Variants in SOWAHB observed in about 807,000 individuals in gnomAD.
SOWAHB encodes the protein sosondowah ankyrin repeat domain family member B.
Under a neutral mutation model 18.3 loss-of-function variants are expected in SOWAHB, and 17 were observed. That is an observed-to-expected ratio of 0.93 (90% CI 0.64 to 1.40). SOWAHB has a LOEUF of 1.40. SOWAHB is among the 40% of genes most tolerant of loss of function. SOWAHB has a pLI of 0.00. For missense variants in SOWAHB, 1,126 were observed against 1,033.7 expected (o/e 1.09, Z -1.22); for synonymous variants, 496 against 448.1 (o/e 1.11, Z -1.35).
rs771850145 is a variant in SOWAHB at position 76,897,728 on chromosome 4, G to C, written c.122C>G (p.Pro41Arg). The C allele has an allele frequency of 6.2e-7, 1 of 1,610,268 alleles. No homozygotes were observed. Among genetic ancestry groups the C allele is most frequent in the South Asian group, 1.1e-5 (1 of 91,080 alleles). Residue 41 changes from proline to arginine, a missense_variant, in exon 1 of 1, where the codon CCC becomes CGC. Physicochemically the swap from Pro to Arg is moderately radical, Grantham distance 103. Coordinates refer to ENST00000334306, the MANE Select transcript of SOWAHB (RefSeq NM_001029870.3). This position sits in a 1 kb window ranked among gnomAD's most constrained non-coding sequence, Gnocchi z 6.4. ...CTCGCGGCGGTGCTGGTGCTGGCTG[G>C]GGGACGCGTCGGGGTCTCGGAGAAA... is the stretch of plus-strand genomic sequence containing the variant. ...KSFLRDPDAS[P>R]SQHQHRRELF...
At position 76,897,381 on chromosome 4, in the gene SOWAHB, G is replaced by T. The variant is rs751302162; in HGVS notation, c.469C>A (p.Pro157Thr). 3 of 1,529,088 alleles carry T rather than the reference G, an allele frequency of 2.0e-6. No homozygotes were observed. Among genetic ancestry groups the T allele is most frequent in the East Asian group, 5.0e-5 (2 of 39,666 alleles). 94.7% of individuals were successfully genotyped at this position (1,529,088 alleles called of 1,614,324 possible). A position where few individuals can be genotyped will look rare whatever the true frequency, so the allele number is the denominator to read the frequency against. The change falls in exon 1 of 1, where the codon CCC becomes ACC. Residue 157 changes from proline (P) to threonine (T), a missense_variant. By Grantham distance (38) the Pro-to-Thr change is conservative (BLOSUM62 -1). Coordinates refer to ENST00000334306, the MANE Select transcript of SOWAHB (RefSeq NM_001029870.3). The surrounding 1 kb of genome is among the most constrained non-coding windows in gnomAD (Gnocchi z 6.4). ...CCCTTCGATCCGCCGCCCTTCCCGG[G>T]CGCCCTACGGGAGTCGCTGCCCGGG... ...GLPGSDSRRAPGKGGGSKGSP... is the reference protein window; with the variant it reads ...GLPGSDSRRATGKGGGSKGSP...
At position 76,897,559 on chromosome 4, in the gene SOWAHB, G is replaced by A. The variant is rs1719963657; in HGVS notation, c.291C>T (p.Pro97=). ...QRPREPPAAA[P]SAGGAAPCSP... ...AGCAGGGCGCAGCTCCCCCTGCACT[G>A]GGGGCGGCCGCGGGCGGCTCGCGGG... is the stretch of plus-strand genomic sequence containing the variant. Residue 97 remains proline (P), a synonymous_variant, in exon 1 of 1, where the codon CCC becomes CCT. Transcript: ENST00000334306. The surrounding 1 kb of genome is among the most constrained non-coding windows in gnomAD (Gnocchi z 6.4). The A allele has an allele frequency of 1.9e-6, 3 of 1,580,024 alleles. No individual in the cohort carries two copies. The highest frequency in any genetic ancestry group is 2.6e-6 in the Non-Finnish European group (3 of 1,168,322).
rs1719928364 is a variant in SOWAHB at position 76,896,824 on chromosome 4, G to A, written c.1026C>T (p.Pro342=). Residue 342 remains proline (P), a synonymous_variant, in exon 1 of 1, where the codon CCC becomes CCT. Transcript: ENST00000334306. ...PDNFLQLPLE[P]GSTEPNSEPP... ...GCTCTGAATTAGGCTCCGTGGAGCC[G>A]GGTTCCAAGGGCAGCTGGAGGAAGT... The A allele has an allele frequency of 6.2e-7, 1 of 1,613,844 alleles. No homozygotes were observed.
rs893175051 is a variant in SOWAHB at position 76,894,622 on chromosome 4, C to T, written c.*846G>A. ...CATTCAAACCTCTGAAAACTAGTAA[C>T]GATAATTCTGTTTGTTACACAGGGA... On this transcript the variant is annotated 3_prime_UTR_variant, in exon 1 of 1. Coordinates refer to ENST00000334306, the MANE Select transcript of SOWAHB (RefSeq NM_001029870.3). 4.6e-5 allele frequency among the ~76,000 whole-genome samples: 7 copies of T among 152,220 alleles called. No individual in the cohort carries two copies. The highest frequency in any genetic ancestry group is 1.9e-4 in the East Asian group (1 of 5,182).
In SOWAHB at chr4:76,896,011, C is replaced by T; in HGVS notation, c.1839G>A (p.Trp613Ter). 6.2e-7 allele frequency: 1 copy of T among 1,613,464 alleles called. No homozygotes were observed. Among genetic ancestry groups the T allele is most frequent in the South Asian group, 1.1e-5 (1 of 90,986 alleles). ...KLASGSWIQV[W>*]TLFWEDPQLA... ...GTTGAGGGTCCTCCCAGAACAAAGT[C>T]CACACCTGAATCCAGGAGCCACTGG... Residue 613 changes from tryptophan to a stop codon, truncating the protein, a stop_gained, in exon 1 of 1, where the codon TGG becomes TGA. Transcript: ENST00000334306. LOFTEE classifies it high-confidence loss of function.
rs1455581452 is a variant in SOWAHB at position 76,897,571 on chromosome 4, G to A, written c.279C>T (p.Pro93=). 6 of 1,598,150 alleles carry A rather than the reference G, an allele frequency of 3.8e-6. No homozygotes were observed. The highest frequency in any genetic ancestry group is 4.3e-6 in the Non-Finnish European group (5 of 1,176,392). The change falls in exon 1 of 1, where the codon CCC becomes CCT. Residue 93 remains proline (P), a synonymous_variant. Transcript: ENST00000334306. The surrounding 1 kb of genome is among the most constrained non-coding windows in gnomAD (Gnocchi z 6.4). ...EEGLQRPREP[P]AAAPSAGGAA... ...CTCCCCCTGCACTGGGGGCGGCCGCGGGCGGCTCGCGGGGTCGCTGCAGCC... is the reference window on the plus strand; with the variant it reads ...CTCCCCCTGCACTGGGGGCGGCCGCAGGCGGCTCGCGGGGTCGCTGCAGCC...
Position 76,896,040 on chromosome 4 carries a change from G to T in SOWAHB, c.1810C>A (p.Leu604Ile), listed in dbSNP as rs775663045. ...DAREHEWIVK[L>I]ASGSWIQVWT... Reference sequence around the variant, plus strand: ...ACCTGAATCCAGGAGCCACTGGCAAGCTTCACAATCCACTCATGCTCCCTG... The same window carrying T: ...ACCTGAATCCAGGAGCCACTGGCAATCTTCACAATCCACTCATGCTCCCTG... The change falls in exon 1 of 1, where the codon CTT becomes ATT. Residue 604 changes from leucine to isoleucine, a missense_variant. Leu to Ile is a conservative substitution (Grantham distance 5). Coordinates refer to ENST00000334306, the MANE Select transcript of SOWAHB (RefSeq NM_001029870.3). 1.2e-6 allele frequency: 2 copies of T among 1,610,852 alleles called. No individual in the cohort carries two copies. Among genetic ancestry groups the T allele is most frequent in the African/African-American group, 2.7e-5 (2 of 74,962 alleles).
Position 76,897,183 on chromosome 4 carries a change from C to T in SOWAHB, c.667G>A (p.Glu223Lys). Residue 223 changes from glutamate to lysine, a missense_variant, in exon 1 of 1, where the codon GAG becomes AAG. Glu to Lys is a moderately conservative substitution (Grantham distance 56). Coordinates refer to ENST00000334306, the MANE Select transcript of SOWAHB (RefSeq NM_001029870.3). The surrounding 1 kb of genome is among the most constrained non-coding windows in gnomAD (Gnocchi z 6.4). ...GALPHSATAE[E>K]KPARALPAQD... is the part of the protein sequence containing the mutation. ...GCAGGCAGAGCCCGTGCCGGCTTCT[C>T]CTCCGCGGTGGCCGAGTGCGGGAGT... The T allele has an allele frequency of 6.3e-7, 1 of 1,575,382 alleles. No homozygotes were observed. The highest frequency in any genetic ancestry group is 8.6e-7 in the Non-Finnish European group (1 of 1,169,034).
At position 76,896,116 on chromosome 4, in the gene SOWAHB, C is replaced by A. The variant is rs1452461073; in HGVS notation, c.1734G>T (p.Leu578Phe). 6.3e-7 allele frequency: 1 copy of A among 1,577,746 alleles called. No individual in the cohort carries two copies. The highest frequency in any genetic ancestry group is 8.6e-7 in the Non-Finnish European group (1 of 1,162,352). The change falls in exon 1 of 1, where the codon TTG (leucine) becomes TTT (phenylalanine). Residue 578 changes from leucine to phenylalanine, a missense_variant. Leu to Phe is a conservative substitution (Grantham distance 22, BLOSUM62 0). Coordinates refer to ENST00000334306, the MANE Select transcript of SOWAHB (RefSeq NM_001029870.3). ...WVPSGEGSAA[L>F]APHRTSEHKS... is the part of the protein sequence containing the mutation. The stretch of plus-strand genomic sequence containing the variant: ...TGTGCTCAGAAGTTCTGTGGGGGGC[C>A]AAGGCTGCAGACCCCTCCCCACTGG...
In SOWAHB at chr4:76,897,518, C is replaced by G. The variant is rs1367069683; in HGVS notation, c.332G>C (p.Arg111Pro). Residue 111 changes from arginine (R) to proline (P), a missense_variant, in exon 1 of 1, where the codon CGC becomes CCC. Transcript: ENST00000334306. The surrounding 1 kb of genome is among the most constrained non-coding windows in gnomAD (Gnocchi z 6.4). ...CTGCTGCTGGGGCGGCTCCCCCCGG[C>G]GCGCGCCTCGCGGGGAGCAGGGCGC... is the stretch of plus-strand genomic sequence containing the variant. ...GAAPCSPRGA[R>P]RGEPPQQQPR... is the part of the protein sequence containing the mutation. The G allele has an allele frequency of 1.4e-6, 2 of 1,413,892 alleles. No homozygotes were observed. The highest frequency in any genetic ancestry group is 1.8e-6 in the Non-Finnish European group (2 of 1,095,322). 87.6% of individuals were successfully genotyped at this position (1,413,892 alleles called of 1,614,324 possible).
Position 76,898,036 on chromosome 4 carries a change from G to C in SOWAHB, c.-187C>G. 1.6e-6 allele frequency: 1 copy of C among 617,546 alleles called. No individual in the cohort carries two copies. Among genetic ancestry groups the C allele is most frequent in the Non-Finnish European group, 2.8e-6 (1 of 363,454 alleles). The allele number at this position is 617,546 out of a possible 1,614,324, so 38.3% of individuals were successfully genotyped here. A position where few individuals can be genotyped will look rare whatever the true frequency, so the allele number is the denominator to read the frequency against. ...GCCAGGAGGGCCGTGGGTCCCCTCC[G>C]GGTGGCCCCAAGGCTGAGTCCCCGC... On this transcript the variant is annotated 5_prime_UTR_variant, in exon 1 of 1. Coordinates refer to ENST00000334306, the MANE Select transcript of SOWAHB (RefSeq NM_001029870.3).
rs1440758517 is a variant in SOWAHB, at chr4:76,896,394, G to A, written c.1456C>T (p.Pro486Ser). The A allele has an allele frequency of 6.9e-6, 11 of 1,599,540 alleles. No individual in the cohort carries two copies. The highest frequency in any genetic ancestry group is 1.7e-5 in the Admixed American group (1 of 57,970). Residue 486 changes from proline (P) to serine (S), a missense_variant, in exon 1 of 1, where the codon CCT becomes TCT. By Grantham distance (74) the Pro-to-Ser change is moderately conservative. Coordinates refer to ENST00000334306, the MANE Select transcript of SOWAHB (RefSeq NM_001029870.3). ...CTCCTTAACTTAGGAACTGGCCAAG[G>A]CAAAGGCTTCAGGGGGTGGCCTGCA... ...GLAGHPLKPLPWPVPKLRRSL... is the reference protein window; with the variant it reads ...GLAGHPLKPLSWPVPKLRRSL...
At position 76,897,252 on chromosome 4, in the gene SOWAHB, A is replaced by G; in HGVS notation, c.598T>C (p.Cys200Arg). ...AKTQGRCCWE[C>R]LQNNLAVLPG... The stretch of plus-strand genomic sequence containing the variant: ...AGTACAGCCAGGTTGTTCTGGAGGC[A>G]TTCCCAGCAGCAGCGGCCCTGCGTC... The change falls in exon 1 of 1, where the codon TGC becomes CGC. Residue 200 changes from cysteine (C) to arginine (R), a missense_variant. Coordinates refer to ENST00000334306, the MANE Select transcript of SOWAHB (RefSeq NM_001029870.3). This position sits in a 1 kb window ranked among gnomAD's most constrained non-coding sequence, Gnocchi z 6.4. 6.4e-7 allele frequency: 1 copy of G among 1,573,778 alleles called. No individual in the cohort carries two copies. The highest frequency in any genetic ancestry group is 8.6e-7 in the Non-Finnish European group (1 of 1,167,926).
At position 76,897,174 on chromosome 4, in the gene SOWAHB, C is replaced by T. The variant is rs781562729; in HGVS notation, c.676G>A (p.Ala226Thr). Reference protein sequence around the residue: ...PHSATAEEKPARALPAQDDRG... With the variant: ...PHSATAEEKPTRALPAQDDRG... ...TCATCCTGGGCAGGCAGAGCCCGTG[C>T]CGGCTTCTCCTCCGCGGTGGCCGAG... The change falls in exon 1 of 1, where the codon GCA becomes ACA. Residue 226 changes from alanine (A) to threonine (T), a missense_variant. Coordinates refer to ENST00000334306, the MANE Select transcript of SOWAHB (RefSeq NM_001029870.3). This position sits in a 1 kb window ranked among gnomAD's most constrained non-coding sequence, Gnocchi z 6.4. 1.3e-6 allele frequency: 2 copies of T among 1,569,624 alleles called. No homozygotes were observed. Among genetic ancestry groups the T allele is most frequent in the African/African-American group, 2.7e-5 (2 of 74,640 alleles).
Position 76,898,008 on chromosome 4 carries a change from C to T in SOWAHB, c.-159G>A. On this transcript the variant is annotated 5_prime_UTR_variant, in exon 1 of 1. Coordinates refer to ENST00000334306, the MANE Select transcript of SOWAHB (RefSeq NM_001029870.3). ...GCCAGCGCTGCCCGCAGCCCGTGAG[C>T]GCGCCAGGAGGGCCGTGGGTCCCCT... The T allele has an allele frequency of 5.2e-6, 4 of 770,926 alleles. No homozygotes were observed. The highest frequency in any genetic ancestry group is 8.0e-6 in the Non-Finnish European group (4 of 498,722). The allele number at this position is 770,926 out of a possible 1,614,324, so 47.8% of individuals were successfully genotyped here. A position where few individuals can be genotyped will look rare whatever the true frequency, so the allele number is the denominator to read the frequency against.
At position 76,897,281 on chromosome 4, in the gene SOWAHB, G is replaced by C; in HGVS notation, c.569C>G (p.Ala190Gly). The C allele has an allele frequency of 1.3e-6, 2 of 1,548,270 alleles. No individual in the cohort carries two copies. The highest frequency in any genetic ancestry group is 1.7e-6 in the Non-Finnish European group (2 of 1,153,834). Residue 190 changes from alanine to glycine, a missense_variant, in exon 1 of 1, where the codon GCG becomes GGG. Physicochemically the swap from Ala to Gly is moderately conservative, Grantham distance 60 (BLOSUM62 0). Coordinates refer to ENST00000334306, the MANE Select transcript of SOWAHB (RefSeq NM_001029870.3). The surrounding 1 kb of genome is among the most constrained non-coding windows in gnomAD (Gnocchi z 6.4). ...GAQARASCAA[A>G]KTQGRCCWEC... ...CCAGCAGCAGCGGCCCTGCGTCTTC[G>C]CCGCCGCGCAGCTCGCTCTCGCCTG...
In SOWAHB at chr4:76,896,617, C is replaced by T. The variant is rs766185701; in HGVS notation, c.1233G>A (p.Gly411=). 2.5e-6 allele frequency: 4 copies of T among 1,613,934 alleles called. No homozygotes were observed. The highest frequency in any genetic ancestry group is 3.4e-6 in the Non-Finnish European group (4 of 1,180,036). The change falls in exon 1 of 1, where the codon GGG becomes GGA. Residue 411 remains glycine, a synonymous_variant. Transcript: ENST00000334306. ...ESDGSEESSS[G]PKDSPGASEE... is the part of the protein sequence containing the mutation. ...CAGAAGCCCCCGGGGAGTCTTTGGG[C>T]CCACTGCTGCTCTCCTCACTGCCAT...
rs1719945845 is a variant in SOWAHB, at chr4:76,897,205, G to A, written c.645C>T (p.Leu215=). ...LAVLPGELGA[L]PHSATAEEKP... Reference sequence around the variant, plus strand: ...TCTCCTCCGCGGTGGCCGAGTGCGGGAGTGCGCCGAGCTCTCCCGGCAGTA... The same window carrying A: ...TCTCCTCCGCGGTGGCCGAGTGCGGAAGTGCGCCGAGCTCTCCCGGCAGTA... Residue 215 remains leucine, a synonymous_variant, in exon 1 of 1, where the codon CTC becomes CTT. Coordinates refer to ENST00000334306, the MANE Select transcript of SOWAHB (RefSeq NM_001029870.3). The surrounding 1 kb of genome is among the most constrained non-coding windows in gnomAD (Gnocchi z 6.4). The A allele has an allele frequency of 6.3e-7, 1 of 1,582,218 alleles. No homozygotes were observed. The highest frequency in any genetic ancestry group is 1.3e-5 in the African/African-American group (1 of 74,850).
At position 76,897,995 on chromosome 4, in the gene SOWAHB, C is replaced by T; in HGVS notation, c.-146G>A. The stretch of plus-strand genomic sequence containing the variant: ...ATCAGCCGCGGAGGCCAGCGCTGCC[C>T]GCAGCCCGTGAGCGCGCCAGGAGGG... On this transcript the variant is annotated 5_prime_UTR_variant, in exon 1 of 1. Coordinates refer to ENST00000334306, the MANE Select transcript of SOWAHB (RefSeq NM_001029870.3). The surrounding 1 kb of genome is among the most constrained non-coding windows in gnomAD (Gnocchi z 6.4). 1.1e-6 allele frequency: 1 copy of T among 873,752 alleles called. No homozygotes were observed. The allele number at this position is 873,752 out of a possible 1,614,324, so 54.1% of individuals were successfully genotyped here.
Sources: gnomAD v4.1 joint callset for allele counts (sites outside exome capture counted in the v4.1 genomes callset) on GRCh38, gnomAD v4.1.1 for gene constraint, Gnocchi (gnomAD v3.1) non-coding constraint, MANE v1.5 for transcripts, NCBI Gene and HGNC (gene_info 2026-07-23, HGNC 2026-07-21) for gene names.